The following KCNIP4 variants were observed in gnomAD, a reference collection of about 807,000 sequenced individuals.
The protein encoded by KCNIP4 is Kv channel-interacting protein 4.
Under a neutral mutation model 34.0 loss-of-function variants are expected in KCNIP4, and 12 were observed. That is an observed-to-expected ratio of 0.35 (90% CI 0.23 to 0.57). The LOEUF (loss-of-function observed/expected upper bound fraction) is 0.57. Among genes scored for constraint, KCNIP4 ranks in the 20% least tolerant of loss-of-function variants. The pLI, the probability that KCNIP4 is intolerant of heterozygous loss-of-function variation, is 0.83. For synonymous variants in KCNIP4, 124 were observed against 102.2 expected (o/e 1.21, Z -1.29); for missense variants, 238 against 311.7 (o/e 0.76, Z 1.78).
intron 1 of KCNIP4, among the ~76,000 whole-genome samples, chr4:21,600,092 C>G (rs16871564): frequency 0.027 from 4,035 of 152,168 alleles, 178 homozygotes; most frequent in African/African-American, 0.091. Flanking sequence ...TTCCCTTACT[C>G]CCTCTGCTAA....
intron 1 of KCNIP4, among the ~76,000 whole-genome samples, chr4:21,710,902 G>A (rs1190923285): frequency 6.6e-6 from 1 of 152,164 alleles, no homozygotes; most frequent in Non-Finnish European, 1.5e-5. Flanking sequence ...CTTTCAGGAT[G>A]TTTTCAGTTG....
At chr4:21,055,171 T>C (rs1269292990) in intron 1 of KCNIP4, among the ~76,000 whole-genome samples, 1 of 152,234 alleles carries the variant, frequency 6.6e-6, no homozygotes, top group East Asian at 1.9e-4. Context: ...AAAAGATGCT[T>C]CCCATCATAT....
At chr4:21,660,663 T>C (rs1748377688) in intron 1 of KCNIP4, among the ~76,000 whole-genome samples, 1 of 152,184 alleles carries the variant, frequency 6.6e-6, no homozygotes, top group Non-Finnish European at 1.5e-5. Context: ...ACCTGGAGGT[T>C]AGAGTGGGCT....
At chr4:21,791,770 G>A (rs1180782372) in intron 1 of KCNIP4, among the ~76,000 whole-genome samples, 1 of 152,036 alleles carries the variant, frequency 6.6e-6, no homozygotes, top group Non-Finnish European at 1.5e-5. Context: ...GGGAGGCCGA[G>A]GTGGGCGGAT....
intron 1 of KCNIP4, among the ~76,000 whole-genome samples, chr4:21,422,282 C>A (rs991874750): frequency 6.6e-6 from 1 of 150,952 alleles, no homozygotes; most frequent in African/African-American, 2.4e-5. Flanking sequence ...CTCACTGCAA[C>A]CTCCGCCTCC....
chr4:21,366,291 AGCCTACAACCC>A (rs1034356302), intron 1 of KCNIP4, among the ~76,000 whole-genome samples: 5 of 152,176 alleles, frequency 3.3e-5, no homozygotes, highest in Non-Finnish European at 7.3e-5. Flanking sequence ...AACATACTCC[AGCCTACAACCC>A]GCAGAGGATG....
At chr4:21,278,620 A>G (rs1239073252) in intron 1 of KCNIP4, among the ~76,000 whole-genome samples, 1 of 152,192 alleles carries the variant, frequency 6.6e-6, no homozygotes, top group African/African-American at 2.4e-5. Flanking sequence ...CAGATTGGAT[A>G]AAGAAAATGT....
At chr4:21,180,545 T>C (rs1477075531) in intron 1 of KCNIP4, among the ~76,000 whole-genome samples, 2 of 151,882 alleles carry the variant, frequency 1.3e-5, no homozygotes, top group African/African-American at 4.8e-5. Flanking sequence ...GAGTGGAATT[T>C]ACAGCTTCAG....
intron 4 of KCNIP4, among the ~76,000 whole-genome samples, chr4:20,755,154 G>T (rs1288830974): frequency 6.6e-6 from 1 of 152,136 alleles, no homozygotes; most frequent in African/African-American, 2.4e-5. Flanking sequence ...TGGGGTGGGA[G>T]AGTTGTCATC....
At chr4:21,174,911 A>G (rs1026752339) in intron 1 of KCNIP4, among the ~76,000 whole-genome samples, 1 of 151,976 alleles carries the variant, frequency 6.6e-6, no homozygotes, top group Non-Finnish European at 1.5e-5. Flanking sequence ...CAAAAAAAAA[A>G]AAAAGAAAAA....
chr4:20,774,502 AG>A (rs1371251314), intron 3 of KCNIP4, among the ~76,000 whole-genome samples: 1 of 152,208 alleles, frequency 6.6e-6, no homozygotes, highest in African/African-American at 2.4e-5. Context: ...TATGTCAGAG[AG>A]TGTAAGAAGA....
At chr4:20,866,383 G>A (rs138469059) in intron 2 of KCNIP4, among the ~76,000 whole-genome samples, 287 of 152,082 alleles carry the variant, frequency 1.9e-3, no homozygotes, top group African/African-American at 6.5e-3. Context: ...GATTCACTAC[G>A]TAAACAGAAT....
chr4:21,948,764 G>A lies in KCNIP4; in HGVS notation c.-133C>T, dbSNP rs1578174444. 8.7e-7 allele frequency: 1 copy of A among 1,151,536 alleles called. No individual in the cohort carries two copies. Among genetic ancestry groups the A allele is most frequent in the Non-Finnish European group, 1.1e-6 (1 of 926,386 alleles). 71.3% of individuals were successfully genotyped at this position (1,151,536 alleles called of 1,614,324 possible). ...TGGCGCTGGGAGCGAGAGCTTCGGCGGCGGCTGCGGGCAGGGCGCGCGGAG... is the reference window on the plus strand; with the variant it reads ...TGGCGCTGGGAGCGAGAGCTTCGGCAGCGGCTGCGGGCAGGGCGCGCGGAG... On this transcript the variant is annotated 5_prime_UTR_variant, in exon 1 of 9. Transcript: ENST00000382152.
chr4:20,766,861 G>A (rs749909604), intron 3 of KCNIP4: 1 of 152,140 alleles, frequency 6.6e-6, no homozygotes, highest in Non-Finnish European at 1.5e-5. Context: ...GAAGGCCTGG[G>A]TTGAACCCCT....
At chr4:21,634,223 C>CAAAAAAAAAAAAAAAA (rs376741978) in intron 1 of KCNIP4, among the ~76,000 whole-genome samples, 3 of 112,484 alleles carry the variant, frequency 2.7e-5, no homozygotes, top group South Asian at 6.7e-4. Context: ...GTTCTTTCCT[C>CAAAAAAAAAAAAAAAA]AAAAAAAAAA....
chr4:21,370,884 T>TACACACACACAC (rs1360484906), intron 1 of KCNIP4, among the ~76,000 whole-genome samples: 2 of 83,114 alleles, frequency 2.4e-5, no homozygotes, highest in Non-Finnish European at 4.5e-5. Context: ...CACACACACG[T>TACACACACACAC]GTGTGTGTGT....
chr4:21,863,315 A>C (rs1725209163), intron 1 of KCNIP4, among the ~76,000 whole-genome samples: 1 of 151,328 alleles, frequency 6.6e-6, no homozygotes, highest in African/African-American at 2.4e-5. Flanking sequence ...GCAGATAGAA[A>C]TAGACAGAAA....
At chr4:21,697,516 C>T in intron 1 of KCNIP4, 1 of 1,475,980 alleles carries the variant, frequency 6.8e-7, no homozygotes, top group South Asian at 1.5e-5. Flanking sequence ...AAAAGAGAGT[C>T]TCTGAGGAGA....
chr4:21,267,761 T>C lies in KCNIP4; in HGVS notation c.62-385052A>G, dbSNP rs372277129. On this transcript the variant is annotated intron_variant, in intron 1 of 8. Coordinates refer to ENST00000382152, the MANE Select transcript of KCNIP4 (RefSeq NM_025221.6). ...CTGGATTCGGTTTGCCAGTATTTTA[T>C]TGAGGATTTTTGCATCAATGTTCAT... 1.1e-3 allele frequency among the ~76,000 whole-genome samples: 159 copies of C among 147,588 alleles called. 1 individual carries two copies. Among genetic ancestry groups the C allele is most frequent in the African/African-American group, 3.7e-3 (149 of 40,272 alleles).
Sources: allele counts gnomAD v4.1 joint callset (sites outside exome capture counted in the v4.1 genomes callset), GRCh38; gene constraint gnomAD v4.1.1; transcripts MANE v1.5; gene names NCBI Gene and HGNC (gene_info 2026-07-23, HGNC 2026-07-21).